The following ZBTB20 variants were observed in gnomAD, a reference collection of about 807,000 sequenced individuals.
ZBTB20 encodes zinc finger and BTB domain containing 20.
ZBTB20 carries 9 observed loss-of-function variants against 56.9 expected under a neutral mutation model. That is an observed-to-expected ratio of 0.16 (90% CI 0.10 to 0.28). The LOEUF (loss-of-function observed/expected upper bound fraction) is 0.28, where lower values mean the gene tolerates loss of function less well. Among genes scored for constraint, ZBTB20 ranks in the 10% least tolerant of loss-of-function variants. The pLI is 1.00. For synonymous variants in ZBTB20, 417 were observed against 420.7 expected (o/e 0.99, Z 0.11); for missense variants, 655 against 1,003.0 (o/e 0.65, Z 4.69).
chr3:115,145,837 A>G (rs1291491698), intron 1 of ZBTB20, among the ~76,000 whole-genome samples: 2 of 152,238 alleles, frequency 1.3e-5, no homozygotes, highest in Non-Finnish European at 2.9e-5. Flanking sequence ...ATTTATTTAT[A>G]AAATGGTAAT....
intron 4 of ZBTB20, among the ~76,000 whole-genome samples, chr3:114,803,183 T>G (rs976368549): frequency 1.1e-4 from 16 of 151,298 alleles, no homozygotes; most frequent in Non-Finnish European, 1.6e-4. Flanking sequence ...AAATAACATC[T>G]TGTATCCTGT....
chr3:114,557,653 T>G (rs1375135544), intron 6 of ZBTB20, among the ~76,000 whole-genome samples: 3 of 151,950 alleles, frequency 2.0e-5, no homozygotes, highest in African/African-American at 7.2e-5. Flanking sequence ...ACCCTGGAGC[T>G]ATAACCTATA....
At chr3:114,431,258 C>T (rs1333678157) in intron 7 of ZBTB20, among the ~76,000 whole-genome samples, 1 of 152,122 alleles carries the variant, frequency 6.6e-6, no homozygotes, top group South Asian at 2.1e-4. Flanking sequence ...CAAGGCACCT[C>T]CCAGCTCTCC....
intron 2 of ZBTB20, among the ~76,000 whole-genome samples, chr3:114,982,666 A>G (rs757079990): frequency 6.6e-5 from 10 of 152,100 alleles, no homozygotes; most frequent in Non-Finnish European, 1.3e-4. Flanking sequence ...AAAGGGCACA[A>G]TAAAGCAGAA....
chr3:114,624,149 C>G (rs1402484619), intron 6 of ZBTB20: 1 of 152,160 alleles, frequency 6.6e-6, no homozygotes, highest in African/African-American at 2.4e-5. Context: ...GGAGTGACGA[C>G]TGAGAATCAG....
Position 114,336,330 on chromosome 3 carries a change from T to A in ZBTB20, c.*2675A>T, listed in dbSNP as rs150660148. 7.9e-5 allele frequency: 12 copies of A among 152,334 alleles called. No homozygotes were observed. In the East Asian group the frequency reaches 2.3e-3, roughly 29 times the overall value. 9.4% of individuals were successfully genotyped at this position (152,334 alleles called of 1,614,324 possible). On this transcript the variant is annotated 3_prime_UTR_variant, in exon 12 of 12. Coordinates refer to ENST00000675478, the MANE Select transcript of ZBTB20 (RefSeq NM_001348800.3). ...CCTCTATTGGTGGTAAGTGGAAATATTAGTCTTACAACACTGCTATTTTAA... is the reference window on the plus strand; with the variant it reads ...CCTCTATTGGTGGTAAGTGGAAATAATAGTCTTACAACACTGCTATTTTAA...
chr3:115,098,513 C>T (rs1047154361), intron 1 of ZBTB20, among the ~76,000 whole-genome samples: 3 of 152,040 alleles, frequency 2.0e-5, no homozygotes, highest in Non-Finnish European at 4.4e-5. Context: ...TTAGACCTTA[C>T]GGAAAAAAAT....
At chr3:114,859,057 C>T (rs1356118012) in intron 4 of ZBTB20, among the ~76,000 whole-genome samples, 2 of 152,068 alleles carry the variant, frequency 1.3e-5, no homozygotes, top group East Asian at 1.9e-4. Flanking sequence ...AGCCAGTCAA[C>T]TTTCAAGGTT....
At chr3:114,622,116 A>C (rs963963938) in intron 6 of ZBTB20, among the ~76,000 whole-genome samples, 1 of 152,162 alleles carries the variant, frequency 6.6e-6, no homozygotes, top group African/African-American at 2.4e-5. Flanking sequence ...AGTGTTAGAG[A>C]TCTAGCTTGC....
intron 6 of ZBTB20, among the ~76,000 whole-genome samples, chr3:114,525,881 C>T (rs1164371798): frequency 6.6e-6 from 1 of 152,140 alleles, no homozygotes; most frequent in African/African-American, 2.4e-5. Context: ...TCTTTGAGAC[C>T]AGAACCAACC....
intron 7 of ZBTB20, among the ~76,000 whole-genome samples, chr3:114,390,106 C>A (rs1443987145): frequency 1.3e-5 from 2 of 152,044 alleles, no homozygotes; most frequent in Admixed American, 6.5e-5. Flanking sequence ...AGCCACCATT[C>A]TAATTTTTGC....
chr3:114,670,783 A>C (rs2061321609), intron 6 of ZBTB20, among the ~76,000 whole-genome samples: 1 of 152,180 alleles, frequency 6.6e-6, no homozygotes, highest in African/African-American at 2.4e-5. Context: ...AAGTGTAAAA[A>C]TGGGTGGTAG....
intron 6 of ZBTB20, among the ~76,000 whole-genome samples, chr3:114,629,273 A>C (rs74842231): frequency 0.11 from 16,068 of 152,206 alleles, 1,067 homozygotes; most frequent in African/African-American, 0.18. Flanking sequence ...TAATATGAGG[A>C]TCCAATAAAT....
At chr3:114,746,777 T>A (rs1050692322) in intron 5 of ZBTB20, among the ~76,000 whole-genome samples, 1 of 152,202 alleles carries the variant, frequency 6.6e-6, no homozygotes, top group Non-Finnish European at 1.5e-5. Context: ...CTTTTAAATG[T>A]GGTATGATTG....
chr3:115,045,752 A>G (rs2081311807), intron 2 of ZBTB20, among the ~76,000 whole-genome samples: 1 of 152,140 alleles, frequency 6.6e-6, no homozygotes, highest in African/African-American at 2.4e-5. Flanking sequence ...TTTTCAGAAT[A>G]GATTATTTCT....
chr3:115,143,204 T>G (rs1343300807), intron 1 of ZBTB20, among the ~76,000 whole-genome samples: 2 of 152,218 alleles, frequency 1.3e-5, no homozygotes, highest in African/African-American at 4.8e-5. Flanking sequence ...ATTGCTAAAA[T>G]CTTCTGTAAT....
chr3:114,437,614 T>A (rs1389440135), intron 7 of ZBTB20, among the ~76,000 whole-genome samples: 1 of 152,172 alleles, frequency 6.6e-6, no homozygotes, highest in Non-Finnish European at 1.5e-5. Context: ...TAATAGGAAG[T>A]ATTTTATAGG....
At chr3:114,485,279 G>T (rs992277517) in intron 7 of ZBTB20, among the ~76,000 whole-genome samples, 2 of 152,222 alleles carry the variant, frequency 1.3e-5, no homozygotes, top group Non-Finnish European at 1.5e-5. Flanking sequence ...AATCCTAGAA[G>T]TGGATTACTG....
intron 5 of ZBTB20, among the ~76,000 whole-genome samples, chr3:114,717,492 T>C (rs989069640): frequency 6.6e-6 from 1 of 152,086 alleles, no homozygotes; most frequent in Non-Finnish European, 1.5e-5. Context: ...CTACTAGAGA[T>C]TTGAGGCTTT....
Sources: allele counts gnomAD v4.1 joint callset (sites outside exome capture counted in the v4.1 genomes callset), GRCh38; gene constraint gnomAD v4.1.1; transcripts MANE v1.5; gene names NCBI Gene and HGNC (gene_info 2026-07-23, HGNC 2026-07-21).